The following TAFA1 variants were observed in gnomAD, a reference collection of about 807,000 sequenced individuals.
The protein encoded by TAFA1 is TAFA chemokine like family member 1, also known as chemokine-like protein TAFA-1.
TAFA1 carries 4 observed loss-of-function variants against 18.5 expected under a neutral mutation model. The observed-to-expected ratio is 0.22, with a 90% CI of 0.11 to 0.49. The LOEUF (loss-of-function observed/expected upper bound fraction) is 0.49. Ranked by LOEUF, TAFA1 falls within the 20% of genes least tolerant of loss-of-function variation. The pLI is 0.98. For synonymous variants in TAFA1, 56 were observed against 55.2 expected, an observed-to-expected ratio of 1.01 and a Z score of -0.06; for missense variants, 147 against 169.0, an observed-to-expected ratio of 0.87 and a Z score of 0.72.
chr3:68,522,458 A>G (rs2073043499), intron 3 of TAFA1, among the ~76,000 whole-genome samples: 1 of 152,212 alleles, frequency 6.6e-6, no homozygotes, highest in South Asian at 2.1e-4. Flanking sequence ...ATTCCGATTT[A>G]CTGAAGCAGA....
intron 2 of TAFA1, among the ~76,000 whole-genome samples, chr3:68,364,401 G>T (rs1225060986): frequency 6.6e-6 from 1 of 152,086 alleles, no homozygotes; most frequent in East Asian, 1.9e-4. Flanking sequence ...CTTGGATACT[G>T]TGTTTGATTC....
At chr3:67,999,753 T>C (rs1439155177), upstream of TAFA1, among the ~76,000 whole-genome samples, 1 of 151,908 alleles carries the variant, frequency 6.6e-6, no homozygotes, top group East Asian at 1.9e-4. Context: ...GTCATTGCAA[T>C]AGGCTAACAC....
At chr3:68,315,882 T>C (rs2068597682) in intron 2 of TAFA1, among the ~76,000 whole-genome samples, 1 of 152,146 alleles carries the variant, frequency 6.6e-6, no homozygotes, top group South Asian at 2.1e-4. Flanking sequence ...GGTTGACAAA[T>C]GGGTTTAACA....
chr3:68,396,014 C>G (rs1487073919), intron 2 of TAFA1, among the ~76,000 whole-genome samples: 1 of 151,936 alleles, frequency 6.6e-6, no homozygotes, highest in African/African-American at 2.4e-5. Flanking sequence ...TGTCTGCATA[C>G]CTTCACCAAC....
chr3:68,068,694 T>C (rs866538353), intron 2 of TAFA1, among the ~76,000 whole-genome samples: 2 of 152,322 alleles, frequency 1.3e-5, no homozygotes, highest in South Asian at 4.1e-4. Context: ...AAAGACCTCA[T>C]GTGTTATGGT....
At chr3:68,239,756 A>G (rs968768381) in intron 2 of TAFA1, among the ~76,000 whole-genome samples, 1 of 152,206 alleles carries the variant, frequency 6.6e-6, no homozygotes, top group Non-Finnish European at 1.5e-5. Flanking sequence ...CACTGAGAGC[A>G]AACAGCCAAC....
At chr3:68,248,801 G>A (rs796478465) in intron 2 of TAFA1, among the ~76,000 whole-genome samples, 1 of 151,806 alleles carries the variant, frequency 6.6e-6, no homozygotes, top group Non-Finnish European at 1.5e-5. Context: ...AGGTCATTAG[G>A]GGAGGGTGTT....
At chr3:68,170,884 ACG>A (rs1491174552) in intron 2 of TAFA1, among the ~76,000 whole-genome samples, 107 of 151,996 alleles carry the variant, frequency 7.0e-4, no homozygotes, top group African/African-American at 2.3e-3. Flanking sequence ...ACACACACAC[ACG>A]TACACACACA....
At chr3:68,090,727 G>A (rs1381197803) in intron 2 of TAFA1, among the ~76,000 whole-genome samples, 1 of 152,144 alleles carries the variant, frequency 6.6e-6, no homozygotes, top group Non-Finnish European at 1.5e-5. Flanking sequence ...CACTCAAAGA[G>A]GCTGGATGCC....
chr3:68,059,089 C>T (rs2064570333), intron 2 of TAFA1, among the ~76,000 whole-genome samples: 1 of 152,258 alleles, frequency 6.6e-6, no homozygotes, highest in Admixed American at 6.5e-5. Flanking sequence ...CAAACTTTCT[C>T]CAGGAGCTGA....
At chr3:68,251,003 G>T (rs1272984142) in intron 2 of TAFA1, 1 of 151,888 alleles carries the variant, frequency 6.6e-6, no homozygotes, top group Non-Finnish European at 1.5e-5. Flanking sequence ...TTAGTTTCAT[G>T]CCATACCATT....
intron 2 of TAFA1, among the ~76,000 whole-genome samples, chr3:68,227,227 G>T (rs930321624): frequency 4.6e-5 from 7 of 152,148 alleles, no homozygotes; most frequent in Non-Finnish European, 1.0e-4. Context: ...CTCGAATGTG[G>T]ATTAGCTTGT....
intron 2 of TAFA1, among the ~76,000 whole-genome samples, chr3:68,072,782 C>G (rs996935143): frequency 2.0e-5 from 3 of 152,052 alleles, no homozygotes; most frequent in Non-Finnish European, 4.4e-5. Flanking sequence ...GGGATGCCTA[C>G]TGGCAGTTGG....
intron 2 of TAFA1, among the ~76,000 whole-genome samples, chr3:68,368,343 C>A (rs1284736138): frequency 2.0e-5 from 3 of 152,150 alleles, no homozygotes; most frequent in Non-Finnish European, 4.4e-5. Flanking sequence ...GGAATTTGAT[C>A]CCATAAAGAG....
At chr3:68,319,136 A>G (rs1475614126) in intron 2 of TAFA1, among the ~76,000 whole-genome samples, 1 of 152,214 alleles carries the variant, frequency 6.6e-6, no homozygotes, top group Non-Finnish European at 1.5e-5. Flanking sequence ...ATAGTTATAA[A>G]AATATTTAAT....
At chr3:68,467,148 C>T (rs570945635) in intron 3 of TAFA1, among the ~76,000 whole-genome samples, 6 of 152,160 alleles carry the variant, frequency 3.9e-5, no homozygotes, top group South Asian at 2.1e-4. Flanking sequence ...CCCTGAAAAT[C>T]GCTGTTATCC....
chr3:68,235,943 A>G (rs2066923064), intron 2 of TAFA1, among the ~76,000 whole-genome samples: 1 of 152,150 alleles, frequency 6.6e-6, no homozygotes. Flanking sequence ...TGAAATGAGC[A>G]CCATTCTAGA....
chr3:68,039,214 C>A (rs1031779745), intron 2 of TAFA1, among the ~76,000 whole-genome samples: 3 of 152,124 alleles, frequency 2.0e-5, no homozygotes, highest in Non-Finnish European at 4.4e-5. Context: ...TTGTTGAAAT[C>A]TTAGATTTTA....
At chr3:68,449,973 C>A (rs1473298267) in intron 3 of TAFA1, among the ~76,000 whole-genome samples, 5 of 152,180 alleles carry the variant, frequency 3.3e-5, no homozygotes, top group Non-Finnish European at 5.9e-5. Context: ...TATGCAGCCC[C>A]TTTTGCCAGG....
Sources: allele counts gnomAD v4.1 joint callset (sites outside exome capture counted in the v4.1 genomes callset), GRCh38; gene constraint gnomAD v4.1.1; transcripts MANE v1.5; gene names NCBI Gene and HGNC (gene_info 2026-07-23, HGNC 2026-07-21).